The following GTF2F2 variants were observed in gnomAD, a reference collection of about 807,000 sequenced individuals.
GTF2F2 encodes the protein general transcription factor IIF subunit 2.
In GTF2F2, 23 loss-of-function variants were observed where a neutral mutation model predicts 42.2. The observed-to-expected ratio is 0.55, with a 90% confidence interval of 0.39 to 0.77. The LOEUF (loss-of-function observed/expected upper bound fraction) is 0.77, where lower values mean the gene tolerates loss of function less well. GTF2F2 is among the 30% of genes least tolerant of loss of function. The pLI is 0.00. For missense variants in GTF2F2, 261 were observed against 287.2 expected, an observed-to-expected ratio of 0.91 and a Z score of 0.66; for synonymous variants, 105 against 100.8, an observed-to-expected ratio of 1.04 and a Z score of -0.25.
intron 5 of GTF2F2, among the ~76,000 whole-genome samples, chr13:45,246,690 A>G (rs1875638681): frequency 6.6e-6 from 1 of 152,196 alleles, no homozygotes; most frequent in African/African-American, 2.4e-5. Context: ...ACGACAGTCC[A>G]TATATTTCCT....
At chr13:45,189,613 T>C (rs1476704764) in intron 4 of GTF2F2, among the ~76,000 whole-genome samples, 1 of 152,260 alleles carries the variant, frequency 6.6e-6, no homozygotes, top group Non-Finnish European at 1.5e-5. Flanking sequence ...CATGAGATGG[T>C]GTCTCATTGT....
intron 4 of GTF2F2, among the ~76,000 whole-genome samples, chr13:45,198,174 A>G (rs1237027590): frequency 1.3e-5 from 2 of 152,236 alleles, no homozygotes; most frequent in Non-Finnish European, 1.5e-5. Context: ...AGAACCTTCC[A>G]CTATGAGGTA....
chr13:45,155,409 T>C (rs1566116839), intron 4 of GTF2F2, among the ~76,000 whole-genome samples: 2 of 152,232 alleles, frequency 1.3e-5, no homozygotes, highest in South Asian at 2.1e-4. Context: ...GTAAGGAAAC[T>C]TGAAACCACA....
At chr13:45,275,089 C>T (rs1456496909) in intron 7 of GTF2F2, among the ~76,000 whole-genome samples, 8 of 152,128 alleles carry the variant, frequency 5.3e-5, no homozygotes, top group Admixed American at 4.6e-4. Flanking sequence ...ACTAATGTTA[C>T]TTTCTGTCTC....
intron 7 of GTF2F2, among the ~76,000 whole-genome samples, chr13:45,283,213 A>G (rs1446041570): frequency 2.6e-5 from 4 of 152,102 alleles, no homozygotes; most frequent in African/African-American, 9.7e-5. Flanking sequence ...GTTGGCATTC[A>G]GGACTTTCAA....
At chr13:45,283,374 C>G in intron 7 of GTF2F2, 68 bp from the exon 8 acceptor site, 1 of 1,397,408 alleles carries the variant, frequency 7.2e-7, no homozygotes, top group Non-Finnish European at 9.8e-7. Flanking sequence ...TTTGGCATAT[C>G]ATCTTATTTT....
At chr13:45,206,534 T>A (rs7981187) in intron 4 of GTF2F2, 1 of 152,014 alleles carries the variant, frequency 6.6e-6, no homozygotes, top group African/African-American at 2.4e-5. Flanking sequence ...TCCTGAGTCT[T>A]TTCTTAAAAC....
Position 45,232,474 on chromosome 13 carries a change from AT to A in GTF2F2, c.387-20389del, listed in dbSNP as rs566972893. On this transcript the variant is annotated intron_variant, in intron 5 of 7. Transcript: ENST00000340473. ...AGATCTTGTCTCCACTAAAAATAAAATTTTTTTTAAATTAGCTGAGTGTGGT... is the reference window on the plus strand; with the variant it reads ...AGATCTTGTCTCCACTAAAAATAAAATTTTTTTAAATTAGCTGAGTGTGGT... Among the ~76,000 whole-genome samples, 263 of 151,752 alleles carry A rather than the reference AT, an allele frequency of 1.7e-3. 1 individual carries two copies. Among genetic ancestry groups the A allele is most frequent in the African/African-American group, 6.1e-3 (250 of 41,316 alleles).
intron 4 of GTF2F2, among the ~76,000 whole-genome samples, chr13:45,157,682 C>G (rs1485420198): frequency 6.6e-6 from 1 of 152,280 alleles, no homozygotes; most frequent in Admixed American, 6.5e-5. Flanking sequence ...AGGCAGTCCT[C>G]CCACCTCAGC....
intron 5 of GTF2F2, among the ~76,000 whole-genome samples, chr13:45,232,882 G>C (rs750525911): frequency 1.3e-5 from 2 of 152,078 alleles, no homozygotes; most frequent in African/African-American, 2.4e-5. Flanking sequence ...TTCTTTGATA[G>C]ACATTGTTTG....
intron 4 of GTF2F2, among the ~76,000 whole-genome samples, chr13:45,165,307 T>TAA (rs1871226256): frequency 7.0e-6 from 1 of 142,742 alleles, no homozygotes; most frequent in South Asian, 2.1e-4. Flanking sequence ...GATTTATATC[T>TAA]AAAATATATA....
chr13:45,236,191 T>G (rs1049434579), intron 5 of GTF2F2, among the ~76,000 whole-genome samples: 1 of 152,120 alleles, frequency 6.6e-6, no homozygotes, highest in Admixed American at 6.6e-5. Context: ...TGGCCTGCAG[T>G]TCCCCTAAAC....
intron 4 of GTF2F2, among the ~76,000 whole-genome samples, chr13:45,172,434 T>C (rs1270690244): frequency 6.6e-6 from 1 of 152,250 alleles, no homozygotes; most frequent in Admixed American, 6.5e-5. Flanking sequence ...AATATATATA[T>C]ACACAAATCC....
intron 5 of GTF2F2, among the ~76,000 whole-genome samples, chr13:45,238,278 C>T (rs1227105297): frequency 1.3e-5 from 2 of 152,076 alleles, no homozygotes; most frequent in Non-Finnish European, 2.9e-5. Flanking sequence ...AAGAATGAAA[C>T]TCAAGTATTT....
At chr13:45,272,145 T>G (rs1261890737) in intron 7 of GTF2F2, among the ~76,000 whole-genome samples, 1 of 150,204 alleles carries the variant, frequency 6.7e-6, no homozygotes, top group African/African-American at 2.4e-5. Flanking sequence ...ACAGAGCATA[T>G]TGACAGCCCT....
At chr13:45,274,500 T>G (rs1238701294) in intron 7 of GTF2F2, among the ~76,000 whole-genome samples, 2 of 151,970 alleles carry the variant, frequency 1.3e-5, no homozygotes, top group South Asian at 2.1e-4. Context: ...CTAATTTTTT[T>G]GTATAATTTT....
At position 45,198,697 on chromosome 13, in the gene GTF2F2, A is replaced by AT. The variant is rs532691559; in HGVS notation, c.305-8717dup. The stretch of plus-strand genomic sequence containing the variant: ...ATATCTCTGCCTTGGACTTGCCCAC[A>AT]TTTTTTTTTTGTTTTTTTGTTTATT... On this transcript the variant is annotated intron_variant, in intron 4 of 7. Transcript: ENST00000340473. Among the ~76,000 whole-genome samples the AT allele has an allele frequency of 4.5e-3, 651 of 145,512 alleles. 1 individual carries two copies. The highest frequency in any genetic ancestry group is 0.014 in the African/African-American group (574 of 39,708).
chr13:45,163,115 G>A (rs1566119299), intron 4 of GTF2F2, among the ~76,000 whole-genome samples: 1 of 152,120 alleles, frequency 6.6e-6, no homozygotes, highest in Non-Finnish European at 1.5e-5. Flanking sequence ...AATTGTGGAA[G>A]TCCAGTGTTT....
At chr13:45,189,805 A>G (rs547496042) in intron 4 of GTF2F2, among the ~76,000 whole-genome samples, 2 of 152,364 alleles carry the variant, frequency 1.3e-5, no homozygotes, top group East Asian at 1.9e-4. Flanking sequence ...TCAAAAATCA[A>G]TGGGTTGCAA....
Sources: gnomAD v4.1 joint callset for allele counts (sites outside exome capture counted in the v4.1 genomes callset) on GRCh38, gnomAD v4.1.1 for gene constraint, MANE v1.5 for transcripts, NCBI Gene and HGNC (gene_info 2026-07-23, HGNC 2026-07-21) for gene names.